Variants in ACER2 observed in about 807,000 individuals in gnomAD.
The protein encoded by ACER2 is alkCDase 2.
ACER2 carries 26 observed loss-of-function variants against 34.7 expected under a neutral mutation model. The observed-to-expected ratio is 0.75, with a 90% CI of 0.55 to 1.04. The LOEUF (loss-of-function observed/expected upper bound fraction) is 1.04. Among genes scored for constraint, ACER2 ranks in the 50% least tolerant of loss-of-function variants. The pLI is 0.00. For missense variants in ACER2, 352 were observed against 340.8 expected (o/e 1.03, Z -0.26); for synonymous variants, 138 against 132.1 (o/e 1.04, Z -0.31).
intron 1 of ACER2, among the ~76,000 whole-genome samples, chr9:19,422,179 TA>T (rs1368237406): frequency 6.6e-6 from 1 of 151,252 alleles, no homozygotes; most frequent in Non-Finnish European, 1.5e-5. Context: ...TGCATGCCTG[TA>T]ATCCTAGCTA....
At chr9:19,446,138 G>C in intron 4 of ACER2, 143 bp from the exon 5 acceptor site, 1 of 1,139,086 alleles carries the variant, frequency 8.8e-7, no homozygotes, top group South Asian at 1.2e-5. Flanking sequence ...TGAGACTGTG[G>C]AGTGACTGTG....
rs773515513 is a variant in ACER2, at chr9:19,409,114, G to T, written c.30G>T (p.Leu10=). Residue 10 remains leucine (L), a synonymous_variant, in exon 1 of 6, where the codon CTG becomes CTT. Coordinates refer to ENST00000340967, the MANE Select transcript of ACER2 (RefSeq NM_001010887.3). MGAPHWWDQ[L]QAGSSEVDWC... ...GCGCCCCGCACTGGTGGGACCAGCTGCAGGCTGGTAGCTCGGAGGTGGACT... is the reference window on the plus strand; with the variant it reads ...GCGCCCCGCACTGGTGGGACCAGCTTCAGGCTGGTAGCTCGGAGGTGGACT... 1 of 1,603,494 alleles carries T rather than the reference G, an allele frequency of 6.2e-7. No individual in the cohort carries two copies. The highest frequency in any genetic ancestry group is 8.5e-7 in the Non-Finnish European group (1 of 1,175,728).
Position 19,450,714 on chromosome 9 carries a change from A to C in ACER2, c.*78A>C. On this transcript the variant is annotated 3_prime_UTR_variant, in exon 6 of 6. Transcript: ENST00000340967. ...CCTTTGCTAGGAAGACAGCCAAGGG[A>C]GTTCGAATAGTTGGGGTGTGGGCTA... 7.4e-7 allele frequency: 1 copy of C among 1,352,892 alleles called. No homozygotes were observed. Among genetic ancestry groups the C allele is most frequent in the Non-Finnish European group, 9.9e-7 (1 of 1,008,062 alleles). The allele number at this position is 1,352,892 out of a possible 1,614,324, so 83.8% of individuals were successfully genotyped here.
intron 3 of ACER2, among the ~76,000 whole-genome samples, chr9:19,428,289 T>C (rs1830644490): frequency 6.6e-6 from 1 of 152,068 alleles, no homozygotes; most frequent in Non-Finnish European, 1.5e-5. Flanking sequence ...TGCCTCAGCC[T>C]CCCGAGTCGC....
intron 3 of ACER2, among the ~76,000 whole-genome samples, chr9:19,433,706 G>A (rs570217301): frequency 0.021 from 3,132 of 152,168 alleles, 97 homozygotes; most frequent in African/African-American, 0.072. Context: ...GGGCAGAGGG[G>A]CTCCTCACTT....
chr9:19,429,620 C>A (rs1563881248), intron 3 of ACER2, among the ~76,000 whole-genome samples: 1 of 152,270 alleles, frequency 6.6e-6, no homozygotes, highest in Non-Finnish European at 1.5e-5. Flanking sequence ...GCATGAGCCA[C>A]TGTGCCCAAC....
chr9:19,428,190 A>C (rs1196057061), intron 3 of ACER2, among the ~76,000 whole-genome samples: 1 of 150,100 alleles, frequency 6.7e-6, no homozygotes, highest in African/African-American at 2.5e-5. Context: ...TTTTTGAGAC[A>C]GAGTTTCACT....
Position 19,409,140 on chromosome 9 carries a change from G to A in ACER2, c.56G>A (p.Trp19Ter). 1 of 1,607,218 alleles carries A rather than the reference G, an allele frequency of 6.2e-7. No individual in the cohort carries two copies. The highest frequency in any genetic ancestry group is 8.5e-7 in the Non-Finnish European group (1 of 1,177,362). ...CAGGCTGGTAGCTCGGAGGTGGACT[G>A]GTGCGAGGACAACTACACCATCGTG... ...QLQAGSSEVD[W>*]CEDNYTIVPA... The change falls in exon 1 of 6, where the codon TGG (tryptophan) becomes TAG (stop). Residue 19 changes from tryptophan to a stop codon, truncating the protein, a stop_gained. Coordinates refer to ENST00000340967, the MANE Select transcript of ACER2 (RefSeq NM_001010887.3). LOFTEE classifies it high-confidence loss of function.
intron 3 of ACER2, among the ~76,000 whole-genome samples, chr9:19,427,890 T>C (rs1830619825): frequency 6.6e-6 from 1 of 151,972 alleles, no homozygotes; most frequent in Non-Finnish European, 1.5e-5. Context: ...ATGGTCTCGA[T>C]CTCCTGCCCT....
At chr9:19,413,523 C>T (rs1830151178) in intron 1 of ACER2, among the ~76,000 whole-genome samples, 1 of 151,702 alleles carries the variant, frequency 6.6e-6, no homozygotes, top group African/African-American at 2.4e-5. Flanking sequence ...TTGCTTGAAC[C>T]TGGGAGGTGG....
chr9:19,413,256 C>G (rs1021980214), intron 1 of ACER2, among the ~76,000 whole-genome samples: 2 of 152,070 alleles, frequency 1.3e-5, no homozygotes, highest in Non-Finnish European at 2.9e-5. Flanking sequence ...TATACTGTTT[C>G]TTCTATATAC....
chr9:19,427,427 G>A (rs911612369), intron 3 of ACER2, among the ~76,000 whole-genome samples: 1 of 152,196 alleles, frequency 6.6e-6, no homozygotes, highest in Non-Finnish European at 1.5e-5. Context: ...GGGAGGGCAA[G>A]AAGGCCAAGC....
intron 1 of ACER2, among the ~76,000 whole-genome samples, chr9:19,411,712 A>T (rs1830092573): frequency 6.6e-6 from 1 of 152,226 alleles, no homozygotes; most frequent in Non-Finnish European, 1.5e-5. Flanking sequence ...GGAAACTCAT[A>T]ATCATTACCA....
In ACER2 at chr9:19,438,610, T is replaced by A. The variant is rs76615707; in HGVS notation, c.503+3526T>A. Among the ~76,000 whole-genome samples, 234 of 152,362 alleles carry A rather than the reference T, an allele frequency of 1.5e-3. 2 individuals carry two copies. The highest frequency in any genetic ancestry group is 4.2e-3 in the African/African-American group (174 of 41,576). On this transcript the variant is annotated intron_variant, in intron 4 of 5. Coordinates refer to ENST00000340967, the MANE Select transcript of ACER2 (RefSeq NM_001010887.3). ...TCTGAAATGATTTCCATTTGTAGCA[T>A]GCAGTCCAGTGATGCTAGCTTATAT...
At chr9:19,428,008 TTTTCCTTTCC>T (rs549146476) in intron 3 of ACER2, among the ~76,000 whole-genome samples, 4,255 of 65,272 alleles carry the variant, frequency 0.065, 123 homozygotes, top group Admixed American at 0.078. Context: ...CCTTTTTCCT[TTTTCCTTTCC>T]TTTCCTTTCC....
chr9:19,427,631 C>T (rs762604036), intron 3 of ACER2, among the ~76,000 whole-genome samples: 1 of 134,938 alleles, frequency 7.4e-6, no homozygotes, highest in Non-Finnish European at 1.5e-5. Context: ...CTCCCTCCCC[C>T]CCTCCTTTCT....
Position 19,410,039 on chromosome 9 carries a change from G to A in ACER2, c.108+847G>A, listed in dbSNP as rs371910000. 8.0e-5 allele frequency: 57 copies of A among 715,934 alleles called. 1 individual carries two copies. In the East Asian group the frequency reaches 5.1e-3, roughly 64 times the overall value. 44.3% of individuals were successfully genotyped at this position (715,934 alleles called of 1,614,324 possible). ...ATGGCTCAGAATCCTGGTACAGAAT[G>A]TGAGACTTTGCGTGGTCATTTCTGT... On this transcript the variant is annotated intron_variant, in intron 1 of 5. Transcript: ENST00000340967.
At chr9:19,437,637 C>G (rs1289145390) in intron 4 of ACER2, among the ~76,000 whole-genome samples, 1 of 152,146 alleles carries the variant, frequency 6.6e-6, no homozygotes, top group Non-Finnish European at 1.5e-5. Context: ...TTCTGCATGT[C>G]CTATGACCAA....
chr9:19,429,082 C>G (rs1294192196), intron 3 of ACER2, among the ~76,000 whole-genome samples: 1 of 151,808 alleles, frequency 6.6e-6, no homozygotes, highest in Non-Finnish European at 1.5e-5. Context: ...GCCACTGTGC[C>G]TGGCCTGAAT....
Sources: gnomAD v4.1 joint callset for allele counts (sites outside exome capture counted in the v4.1 genomes callset) on GRCh38, gnomAD v4.1.1 for gene constraint, MANE v1.5 for transcripts, NCBI Gene and HGNC (gene_info 2026-07-23, HGNC 2026-07-21) for gene names.